The following NOL8 variants were observed in gnomAD, a reference collection of about 807,000 sequenced individuals.
The protein encoded by NOL8 is nucleolar protein 8.
Under a neutral mutation model 116.1 loss-of-function variants are expected in NOL8, and 93 were observed. That is an observed-to-expected ratio of 0.80 (90% CI 0.68 to 0.95). The LOEUF (loss-of-function observed/expected upper bound fraction) is 0.95. Ranked by LOEUF, NOL8 falls within the 40% of genes least tolerant of loss-of-function variation. NOL8 has a pLI of 0.00. For synonymous variants in NOL8, 419 were observed against 469.0 expected (o/e 0.89, Z 1.38); for missense variants, 1,291 against 1,382.8 (o/e 0.93, Z 1.05).
At chr9:92,307,754 G>T (rs1419108227) in intron 10 of NOL8, among the ~76,000 whole-genome samples, 1 of 152,212 alleles carries the variant, frequency 6.6e-6, no homozygotes, top group Non-Finnish European at 1.5e-5. Flanking sequence ...GTTTCTAAGG[G>T]TTCAAAGGAA....
intron 10 of NOL8, among the ~76,000 whole-genome samples, chr9:92,307,396 G>A (rs1290661116): frequency 2.0e-5 from 3 of 151,998 alleles, no homozygotes; most frequent in African/African-American, 2.4e-5. Flanking sequence ...TCTAAATTAC[G>A]TAAATCTAAA....
intron 7 of NOL8, among the ~76,000 whole-genome samples, chr9:92,313,309 C>G (rs948229392): frequency 1.3e-5 from 2 of 152,176 alleles, no homozygotes; most frequent in African/African-American, 2.4e-5. Flanking sequence ...TCATCATGGT[C>G]TGAAGGATCT....
chr9:92,300,140 A>G (rs1837610816), intron 13 of NOL8, 124 bp from the exon 14 acceptor site: 1 of 1,391,576 alleles, frequency 7.2e-7, no homozygotes, highest in African/African-American at 1.5e-5. Context: ...TTAATCATTA[A>G]TTTAAAATAG....
chr9:92,321,301 T>C (rs1839903466), intron 4 of NOL8, among the ~76,000 whole-genome samples: 1 of 152,196 alleles, frequency 6.6e-6, no homozygotes, highest in African/African-American at 2.4e-5. Context: ...GACCACTACA[T>C]TGTGGTATAA....
chr9:92,307,102 T>A (rs1473215084), intron 10 of NOL8, 78 bp from the exon 11 acceptor site: 3 of 1,396,200 alleles, frequency 2.1e-6, no homozygotes, highest in Non-Finnish European at 2.9e-6. Flanking sequence ...ATTTACCAAG[T>A]ACCTAAACAT....
chr9:92,310,430 C>G, intron 9 of NOL8, 123 bp downstream of exon 9: 1 of 1,259,066 alleles, frequency 7.9e-7, no homozygotes, highest in East Asian at 2.3e-5. Context: ...AAGACTCACT[C>G]TCCAAATAAA....
intron 14 of NOL8, 125 bp downstream of exon 14, chr9:92,299,765 A>T (rs1368304913): frequency 1.9e-6 from 2 of 1,062,286 alleles, no homozygotes; most frequent in Non-Finnish European, 2.7e-6. Flanking sequence ...AAAAAAAAAT[A>T]AAATAAAAAA....
At chr9:92,299,036 C>A (rs1478405070) in intron 14 of NOL8, 82 bp from the exon 15 acceptor site, 5 of 656,800 alleles carry the variant, frequency 7.6e-6, no homozygotes, top group Admixed American at 7.1e-5. Context: ...TATTTACATT[C>A]AAAACATAAA....
At chr9:92,303,798 T>C (rs1837969566) in intron 12 of NOL8, among the ~76,000 whole-genome samples, 1 of 152,130 alleles carries the variant, frequency 6.6e-6, no homozygotes, top group South Asian at 2.1e-4. Context: ...AGCAAGACCC[T>C]GTCTCTAAGA....
At chr9:92,300,302 A>G in intron 13 of NOL8, 1 of 1,003,018 alleles carries the variant, frequency 1.0e-6, no homozygotes, top group South Asian at 4.4e-5. Flanking sequence ...GAGCTATATA[A>G]TTTTTAAAAA....
intron 11 of NOL8, 113 bp from the exon 12 acceptor site, chr9:92,305,943 G>A: frequency 1.4e-6 from 1 of 690,784 alleles, no homozygotes. Flanking sequence ...GCAGCAAGAA[G>A]AAGCCATATA....
intron 9 of NOL8, 92 bp downstream of exon 9, chr9:92,310,461 G>T: frequency 1.4e-6 from 2 of 1,405,228 alleles, no homozygotes; most frequent in Non-Finnish European, 2.0e-6. Context: ...CTATAATGTA[G>T]GTTAAGGTCT....
chr9:92,297,476 C>G lies in NOL8; in HGVS notation c.*360G>C, dbSNP rs1254342432. ...GCCTATAATTCACACAAAGCCTAGG[C>G]TGGAAAATACAAGTGCTTTGACTCA... On this transcript the variant is annotated 3_prime_UTR_variant, in exon 17 of 17. Coordinates refer to ENST00000442668, the MANE Select transcript of NOL8 (RefSeq NM_017948.6). 5.5e-6 allele frequency: 1 copy of G among 181,098 alleles called. No individual in the cohort carries two copies. The highest frequency in any genetic ancestry group is 1.1e-5 in the Non-Finnish European group (1 of 88,006). 11.2% of individuals were successfully genotyped at this position (181,098 alleles called of 1,614,324 possible). A position where few individuals can be genotyped will look rare whatever the true frequency, so the allele number is the denominator to read the frequency against.
intron 7 of NOL8, among the ~76,000 whole-genome samples, chr9:92,313,841 GTGAC>G (rs941657250): frequency 1.3e-5 from 2 of 152,186 alleles, no homozygotes; most frequent in Non-Finnish European, 2.9e-5. Flanking sequence ...TAACTGAACT[GTGAC>G]TGTCAGCATG....
chr9:92,309,802 G>A (rs919283195), intron 10 of NOL8, among the ~76,000 whole-genome samples: 11 of 152,156 alleles, frequency 7.2e-5, no homozygotes, highest in African/African-American at 2.7e-4. Flanking sequence ...ACTGGAGGAC[G>A]ATGAACACTG....
At position 92,316,144 on chromosome 9, in the gene NOL8, G is replaced by T. The variant is rs368577569; in HGVS notation, c.487-6C>A. The T allele has an allele frequency of 1.2e-5, 19 of 1,602,458 alleles. No individual in the cohort carries two copies. Among genetic ancestry groups the T allele is most frequent in the Non-Finnish European group, 1.4e-5 (17 of 1,174,334 alleles). On this transcript the variant is annotated splice_polypyrimidine_tract_variant and splice_region_variant and intron_variant, in intron 6 of 16. Transcript: ENST00000442668. ...GAGGGATCATATTTGATGATGTTAC[G>T]CAAGTCAAGAAACAAAACTAAAGCA...
chr9:92,312,242 C>T (rs1346329169), intron 7 of NOL8, among the ~76,000 whole-genome samples: 1 of 151,278 alleles, frequency 6.6e-6, no homozygotes, highest in Non-Finnish European at 1.5e-5. Context: ...ATTGCTTGAG[C>T]TTAGGAGTTC....
At chr9:92,323,270 G>T in intron 3 of NOL8, 171 bp downstream of exon 3, 1 of 1,509,266 alleles carries the variant, frequency 6.6e-7, no homozygotes, top group Non-Finnish European at 8.8e-7. Flanking sequence ...GATGCCAAAT[G>T]GAATGGACCT....
At chr9:92,306,078 C>G (rs1838228434) in intron 11 of NOL8, among the ~76,000 whole-genome samples, 1 of 152,196 alleles carries the variant, frequency 6.6e-6, no homozygotes, top group African/African-American at 2.4e-5. Flanking sequence ...ACTGCAACCT[C>G]CGCCTCCCAA....
Sources: allele counts gnomAD v4.1 joint callset (sites outside exome capture counted in the v4.1 genomes callset), GRCh38; gene constraint gnomAD v4.1.1; transcripts MANE v1.5; gene names NCBI Gene and HGNC (gene_info 2026-07-23, HGNC 2026-07-21).